Variants in PGR observed in about 807,000 individuals in gnomAD.
PGR encodes the protein nuclear receptor subfamily 3 group C member 3.
Under a neutral mutation model 76.1 loss-of-function variants are expected in PGR, and 25 were observed. That is an observed-to-expected ratio of 0.33 (90% CI 0.24 to 0.46). The LOEUF (loss-of-function observed/expected upper bound fraction) is 0.46, where lower values mean the gene tolerates loss of function less well. PGR is among the 20% of genes least tolerant of loss of function. The probability of loss-of-function intolerance (pLI) is 1.00; values close to 1 mark genes in which losing one functional copy is unlikely to be tolerated. For missense variants in PGR, 1,172 were observed against 1,225.3 expected, an observed-to-expected ratio of 0.96 and a Z score of 0.65; for synonymous variants, 579 against 535.0, an observed-to-expected ratio of 1.08 and a Z score of -1.14.
At position 101,079,333 on chromosome 11, in the gene PGR, A is replaced by G. The variant is rs1303896466; in HGVS notation, c.1906+12427T>C. Among the ~76,000 whole-genome samples, 4 of 152,158 alleles carry G rather than the reference A, an allele frequency of 2.6e-5. No homozygotes were observed. In the East Asian group the frequency reaches 7.7e-4, roughly 29 times the overall value. On this transcript the variant is annotated intron_variant, in intron 3 of 7. Coordinates refer to ENST00000325455, the MANE Select transcript of PGR (RefSeq NM_000926.4). ...GCAAAGGAAATAGTTAACAATGTGA[A>G]GAGACAAAGAATGAGAGAAAATATT...
At chr11:101,060,442 G>T (rs76817379) in intron 4 of PGR, among the ~76,000 whole-genome samples, 3,131 of 152,206 alleles carry the variant, frequency 0.021, 80 homozygotes, top group African/African-American at 0.057. Context: ...ATAATTATTA[G>T]ATATTGAACA....
chr11:101,033,849 G>A lies in PGR; in HGVS notation c.*5267C>T, dbSNP rs565222088. ...TGACAAGACAAAAACATTTAACTGGGCTTCATTTAGAATAATTTATATCTG... is the reference window on the plus strand; with the variant it reads ...TGACAAGACAAAAACATTTAACTGGACTTCATTTAGAATAATTTATATCTG... On this transcript the variant is annotated 3_prime_UTR_variant, in exon 8 of 8. Transcript: ENST00000325455. 52 of 209,970 alleles carry A rather than the reference G, an allele frequency of 2.5e-4. No individual in the cohort carries two copies. The highest frequency in any genetic ancestry group is 8.8e-4 in the African/African-American group (39 of 44,220). The allele number at this position is 209,970 out of a possible 1,614,324, so 13.0% of individuals were successfully genotyped here.
chr11:101,107,524 A>G (rs1180335274), intron 2 of PGR, among the ~76,000 whole-genome samples: 2 of 152,228 alleles, frequency 1.3e-5, no homozygotes, highest in Non-Finnish European at 2.9e-5. Flanking sequence ...GCAAAATTTT[A>G]AAAAGAAACC....
Position 101,127,460 on chromosome 11 carries a change from G to A in PGR, c.1611C>T (p.Val537=). The A allele has an allele frequency of 6.4e-7, 1 of 1,560,324 alleles. No individual in the cohort carries two copies. Among genetic ancestry groups the A allele is most frequent in the Non-Finnish European group, 8.7e-7 (1 of 1,155,986 alleles). ...TCAGGTAGTTGAGATAGGGCGGGTA[G>A]ACCTGCGGCAGGCCCTCCTTGAGCA... ...AAVLKEGLPQ[V]YPPYLNYLRP... is the part of the protein sequence containing the mutation. Residue 537 remains valine (V), a synonymous_variant, in exon 1 of 8, where the codon GTC becomes GTT. Coordinates refer to ENST00000325455, the MANE Select transcript of PGR (RefSeq NM_000926.4).
intron 2 of PGR, among the ~76,000 whole-genome samples, chr11:101,104,612 G>A (rs542288280): frequency 1.8e-4 from 27 of 152,086 alleles, no homozygotes; most frequent in African/African-American, 5.8e-4. Flanking sequence ...TCTTTATGAC[G>A]ACCAATATGG....
At position 101,093,304 on chromosome 11, in the gene PGR, T is replaced by C. The variant is rs567835081; in HGVS notation, c.1790-1428A>G. Among the ~76,000 whole-genome samples, 5 of 148,346 alleles carry C rather than the reference T, an allele frequency of 3.4e-5. No individual in the cohort carries two copies. In the East Asian group the frequency reaches 9.7e-4, roughly 29 times the overall value. On this transcript the variant is annotated intron_variant, in intron 2 of 7. Coordinates refer to ENST00000325455, the MANE Select transcript of PGR (RefSeq NM_000926.4). ...GTGTACTGCATACTACTTTCTGATT[T>C]GACTCTAATTTTTTTTTTTTTTACC...
intron 2 of PGR, among the ~76,000 whole-genome samples, chr11:101,122,755 C>T (rs1862718324): frequency 6.6e-6 from 1 of 152,168 alleles, no homozygotes. Context: ...CAGGGAAACC[C>T]AGTCATCCAG....
chr11:101,100,940 A>G (rs1335740893), intron 2 of PGR, among the ~76,000 whole-genome samples: 1 of 152,276 alleles, frequency 6.6e-6, no homozygotes, highest in East Asian at 1.9e-4. Context: ...TTTCAAAAAG[A>G]GGTATTTTCT....
At chr11:101,103,208 G>C (rs1862049656) in intron 2 of PGR, among the ~76,000 whole-genome samples, 1 of 152,048 alleles carries the variant, frequency 6.6e-6, no homozygotes, top group Non-Finnish European at 1.5e-5. Context: ...ACAAATCGTA[G>C]GCTTGTTCTA....
At chr11:101,059,857 A>AAAAAAAAAAAAAG (rs1565337564) in intron 4 of PGR, among the ~76,000 whole-genome samples, 4 of 138,722 alleles carry the variant, frequency 2.9e-5, no homozygotes, top group African/African-American at 5.0e-5. Flanking sequence ...AAAAAAAAAA[A>AAAAAAAAAAAAAG]AAAAGAAAAA....
chr11:101,083,672 C>T (rs184178062), intron 3 of PGR, among the ~76,000 whole-genome samples: 176 of 152,306 alleles, frequency 1.2e-3, no homozygotes, highest in African/African-American at 4.0e-3. Flanking sequence ...GACTGCCCTG[C>T]TGGGTTTTGA....
chr11:101,044,117 C>T (rs1565328856), intron 6 of PGR, among the ~76,000 whole-genome samples: 2 of 152,188 alleles, frequency 1.3e-5, no homozygotes. Flanking sequence ...ACATCTTCTT[C>T]CAGTGGAAAG....
At chr11:101,086,121 C>T (rs1041736945) in intron 3 of PGR, among the ~76,000 whole-genome samples, 1 of 152,054 alleles carries the variant, frequency 6.6e-6, no homozygotes, top group East Asian at 1.9e-4. Context: ...ACCCTGATAC[C>T]AAAACCTGTA....
intron 3 of PGR, among the ~76,000 whole-genome samples, chr11:101,073,656 G>T (rs771534073): frequency 9.9e-5 from 15 of 151,926 alleles, no homozygotes; most frequent in Non-Finnish European, 1.9e-4. Context: ...GATATCACCA[G>T]TGATCCCACA....
chr11:101,048,179 A>G (rs925188491), intron 6 of PGR, among the ~76,000 whole-genome samples: 2 of 152,218 alleles, frequency 1.3e-5, no homozygotes, highest in Non-Finnish European at 2.9e-5. Flanking sequence ...TCAGTGATAA[A>G]GAAACCACTA....
intron 4 of PGR, among the ~76,000 whole-genome samples, chr11:101,053,302 G>A (rs11224575): frequency 0.2 from 30,596 of 152,034 alleles, 4,301 homozygotes; most frequent in East Asian, 0.77. Flanking sequence ...CAAAAAAGAA[G>A]GCTCTTCTCT....
rs1435938157 is a variant in PGR, at chr11:101,129,526, T to G, written c.-456A>C. On this transcript the variant is annotated 5_prime_UTR_variant, in exon 1 of 8. Coordinates refer to ENST00000325455, the MANE Select transcript of PGR (RefSeq NM_000926.4). ...TCTCTGGCATCAAACTCGTGCATGC[T>G]GTGAAGCTCTCAGTCCCTCGCTGAG... The G allele has an allele frequency of 4.9e-6, 1 of 203,514 alleles. No individual in the cohort carries two copies. The highest frequency in any genetic ancestry group is 2.3e-5 in the African/African-American group (1 of 43,424). The allele number at this position is 203,514 out of a possible 1,614,324, so 12.6% of individuals were successfully genotyped here. A position where few individuals can be genotyped will look rare whatever the true frequency, so the allele number is the denominator to read the frequency against.
intron 2 of PGR, among the ~76,000 whole-genome samples, chr11:101,114,812 C>T (rs1021712266): frequency 3.3e-5 from 5 of 152,168 alleles, no homozygotes; most frequent in African/African-American, 1.2e-4. Flanking sequence ...GACTGTTTTC[C>T]TTGTCCCTTA....
Position 101,119,419 on chromosome 11 carries a change from T to C in PGR, c.1789+6588A>G, listed in dbSNP as rs563758570. ...TTTTCTGACAAAAGCAAAAGCTCTA[T>C]AACTCAGATGTGATTTTCGGCTAAT... On this transcript the variant is annotated intron_variant, in intron 2 of 7. Transcript: ENST00000325455. Among the ~76,000 whole-genome samples the C allele has an allele frequency of 1.5e-4, 23 of 151,404 alleles. No homozygotes were observed. The South Asian group carries it at 3.5e-3, about 23-fold the overall frequency.
Sources: gnomAD v4.1 joint callset for allele counts (sites outside exome capture counted in the v4.1 genomes callset) on GRCh38, gnomAD v4.1.1 for gene constraint, MANE v1.5 for transcripts, NCBI Gene and HGNC (gene_info 2026-07-23, HGNC 2026-07-21) for gene names.